The following BCAS4 variants were observed in gnomAD, a reference collection of about 807,000 sequenced individuals.
BCAS4 encodes the protein breast carcinoma amplified sequence 4.
BCAS4 carries 9 observed loss-of-function variants against 15.7 expected under a neutral mutation model. The ratio of observed to expected loss-of-function variants is 0.57; its 90% confidence interval spans 0.34 to 1.00. The LOEUF (loss-of-function observed/expected upper bound fraction) is 1.00. Ranked by LOEUF, BCAS4 falls within the 50% of genes least tolerant of loss-of-function variation. BCAS4 has a pLI of 0.02. For missense variants in BCAS4, 225 were observed against 239.1 expected, an observed-to-expected ratio of 0.94 and a Z score of 0.39; for synonymous variants, 101 against 99.5, an observed-to-expected ratio of 1.02 and a Z score of -0.09.
chr20:50,805,729 C>G (rs1344559129), intron 1 of BCAS4, among the ~76,000 whole-genome samples: 2 of 152,146 alleles, frequency 1.3e-5, no homozygotes, highest in African/African-American at 4.8e-5. Context: ...AATCCCAGCA[C>G]TTTGGGAGGC....
At chr20:50,810,589 G>GTT (rs11316235) in intron 1 of BCAS4, among the ~76,000 whole-genome samples, 2,944 of 135,994 alleles carry the variant, frequency 0.022, 43 homozygotes, top group African/African-American at 0.042. Flanking sequence ...TTTTTTTTGT[G>GTT]TTTTTTTTTT....
intron 4 of BCAS4, among the ~76,000 whole-genome samples, chr20:50,872,251 GAGAC>G: frequency 8.4e-6 from 1 of 119,536 alleles, no homozygotes; most frequent in South Asian, 2.9e-4. Context: ...GCAACAGAGC[GAGAC>G]TCTGTCTCAA....
chr20:50,829,026 A>G (rs912668753), intron 2 of BCAS4, among the ~76,000 whole-genome samples: 2 of 152,210 alleles, frequency 1.3e-5, no homozygotes, highest in African/African-American at 4.8e-5. Flanking sequence ...CCAAGGTCAC[A>G]GAGCTCATGG....
chr20:50,796,902 C>T (rs896973626), intron 1 of BCAS4, among the ~76,000 whole-genome samples: 10 of 151,672 alleles, frequency 6.6e-5, no homozygotes, highest in African/African-American at 2.4e-4. Flanking sequence ...ACAATCATAG[C>T]TCAATGTAGC....
At chr20:50,831,516 T>C (rs928574552) in intron 3 of BCAS4, among the ~76,000 whole-genome samples, 1 of 152,158 alleles carries the variant, frequency 6.6e-6, no homozygotes, top group African/African-American at 2.4e-5. Flanking sequence ...GCCTTACCGC[T>C]GACGTAGCTC....
chr20:50,847,459 G>A (rs16995528), intron 4 of BCAS4, among the ~76,000 whole-genome samples: 3,535 of 152,274 alleles, frequency 0.023, 53 homozygotes, highest in East Asian at 0.049. Flanking sequence ...AGCGGTGAGC[G>A]GGAATCACGG....
At chr20:50,874,800 G>A (rs1979841689) in intron 4 of BCAS4, among the ~76,000 whole-genome samples, 1 of 152,184 alleles carries the variant, frequency 6.6e-6, no homozygotes. Flanking sequence ...CTGGCAGTGG[G>A]GAAGCTGTCA....
At chr20:50,870,147 T>C (rs1979560961) in intron 4 of BCAS4, among the ~76,000 whole-genome samples, 1 of 152,168 alleles carries the variant, frequency 6.6e-6, no homozygotes, top group African/African-American at 2.4e-5. Flanking sequence ...AGTTGAGTGG[T>C]TGTGACAGAG....
At chr20:50,813,730 C>G (rs2088101529) in intron 1 of BCAS4, among the ~76,000 whole-genome samples, 1 of 143,530 alleles carries the variant, frequency 7.0e-6, no homozygotes, top group Admixed American at 7.1e-5. Context: ...AGGGCCAGCC[C>G]CTCTTCAATG....
intron 4 of BCAS4, among the ~76,000 whole-genome samples, chr20:50,848,424 G>A (rs2088573720): frequency 6.6e-6 from 1 of 152,210 alleles, no homozygotes; most frequent in Non-Finnish European, 1.5e-5. Flanking sequence ...CAGAATCTCT[G>A]CAACACACCT....
At chr20:50,840,190 T>A (rs1470191640) in intron 3 of BCAS4, among the ~76,000 whole-genome samples, 1 of 152,172 alleles carries the variant, frequency 6.6e-6, no homozygotes, top group Non-Finnish European at 1.5e-5. Context: ...ATTCTTTTTT[T>A]ATTTATTTTA....
chr20:50,798,102 C>T (rs1297860063), intron 1 of BCAS4, among the ~76,000 whole-genome samples: 3 of 151,872 alleles, frequency 2.0e-5, no homozygotes, highest in African/African-American at 7.2e-5. Context: ...TTGAGACCAG[C>T]CTGGCCAACA....
chr20:50,877,896 C>A (rs1217766840), downstream of BCAS4: 2 of 152,178 alleles, frequency 1.3e-5, no homozygotes, highest in East Asian at 3.9e-4. Flanking sequence ...CATATCTCTA[C>A]CAAAAATACA....
At chr20:50,796,480 TATATATA>T (rs200252883) in intron 1 of BCAS4, among the ~76,000 whole-genome samples, 12 of 14,548 alleles carry the variant, frequency 8.2e-4, no homozygotes, top group African/African-American at 2.0e-3. Flanking sequence ...TATATATATA[TATATATA>T]TTTTTTTTTT....
rs573741629 is a variant in BCAS4, at chr20:50,831,886, A to G, written c.264+1506A>G. 1.5e-3 allele frequency among the ~76,000 whole-genome samples: 234 copies of G among 152,372 alleles called. 1 individual carries two copies. Among genetic ancestry groups the G allele is most frequent in the Non-Finnish European group, 2.6e-3 (178 of 68,046 alleles). On this transcript the variant is annotated intron_variant, in intron 3 of 4. Coordinates refer to ENST00000371608, the MANE Select transcript of BCAS4 (RefSeq NM_198799.4). ...GCGTGGCTGTCAGCACCGAGGTAGC[A>G]GAGAATTAACATTCTTGTCAGCAGA... is the stretch of plus-strand genomic sequence containing the variant.
At chr20:50,846,680 C>G (rs1314871028) in intron 4 of BCAS4, 1 of 124,956 alleles carries the variant, frequency 8.0e-6, no homozygotes, top group African/African-American at 3.0e-5. Context: ...GTGGTGCAAT[C>G]TTGGCTCACT....
chr20:50,860,504 G>A (rs1210309356), intron 4 of BCAS4, among the ~76,000 whole-genome samples: 2 of 152,182 alleles, frequency 1.3e-5, no homozygotes, highest in Non-Finnish European at 2.9e-5. Flanking sequence ...TAAATGGAAC[G>A]GTGCAGTCTG....
chr20:50,870,398 TG>T (rs570403966), intron 4 of BCAS4, among the ~76,000 whole-genome samples: 11 of 152,256 alleles, frequency 7.2e-5, no homozygotes, highest in African/African-American at 2.4e-4. Context: ...TTGTTCTGAC[TG>T]GGGGGCTTCA....
intron 1 of BCAS4, 48 bp from the exon 2 acceptor site, chr20:50,818,163 C>T: frequency 7.8e-6 from 12 of 1,537,554 alleles, no homozygotes; most frequent in South Asian, 5.8e-5. Context: ...GGGTGTTTGT[C>T]TCCCTGGAAA....
Sources: allele counts gnomAD v4.1 joint callset (sites outside exome capture counted in the v4.1 genomes callset), GRCh38; gene constraint gnomAD v4.1.1; transcripts MANE v1.5; gene names NCBI Gene and HGNC (gene_info 2026-07-23, HGNC 2026-07-21).